ARHGAP31: variants seen among roughly 807,000 people sequenced by gnomAD.
The protein encoded by ARHGAP31 is rho GTPase-activating protein 31.
Under a neutral mutation model 113.9 loss-of-function variants are expected in ARHGAP31, and 34 were observed. The observed-to-expected ratio is 0.30, with a 90% CI of 0.23 to 0.40. The LOEUF (loss-of-function observed/expected upper bound fraction) is 0.40, where lower values mean the gene tolerates loss of function less well. ARHGAP31 is among the 10% of genes least tolerant of loss of function. The probability of loss-of-function intolerance (pLI) is 1.00; values close to 1 mark genes in which losing one functional copy is unlikely to be tolerated. For missense variants in ARHGAP31, 1,548 were observed against 1,767.1 expected, an observed-to-expected ratio of 0.88 and a Z score of 2.22; for synonymous variants, 650 against 684.8, an observed-to-expected ratio of 0.95 and a Z score of 0.79.
intron 1 of ARHGAP31, among the ~76,000 whole-genome samples, chr3:119,329,413 G>A (rs1375687971): frequency 6.6e-6 from 1 of 152,250 alleles, no homozygotes; most frequent in African/African-American, 2.4e-5. Flanking sequence ...GCCTTTGTGA[G>A]TGGGAGCAGC....
chr3:119,348,631 G>A (rs1577006315), intron 1 of ARHGAP31, among the ~76,000 whole-genome samples: 1 of 152,062 alleles, frequency 6.6e-6, no homozygotes, highest in Non-Finnish European at 1.5e-5. Context: ...ACATCCTCTC[G>A]TATACTTTAA....
chr3:119,337,774 C>T (rs1405241531), intron 1 of ARHGAP31, among the ~76,000 whole-genome samples: 2 of 152,056 alleles, frequency 1.3e-5, no homozygotes, highest in Non-Finnish European at 2.9e-5. Flanking sequence ...AGTGCCCTAC[C>T]GGATTAGCTA....
intron 1 of ARHGAP31, among the ~76,000 whole-genome samples, chr3:119,357,537 A>C (rs930809404): frequency 1.3e-5 from 2 of 152,198 alleles, no homozygotes; most frequent in Non-Finnish European, 2.9e-5. Flanking sequence ...TTAAAAGATA[A>C]AATATATTCC....
chr3:119,302,278 T>C (rs1197875868), intron 1 of ARHGAP31, among the ~76,000 whole-genome samples: 2 of 152,342 alleles, frequency 1.3e-5, no homozygotes, highest in East Asian at 3.9e-4. Flanking sequence ...TCTCTAGACT[T>C]TGCCGCAGTA....
rs774401532 is a variant in ARHGAP31 at position 119,414,704 on chromosome 3, C to T, written c.2775C>T (p.Asp925=). ...CCCTTCACTCTCCCACCCTGAAAGACGCGCACAAGGCCCAGGTACAGGGCC... is the reference window on the plus strand; with the variant it reads ...CCCTTCACTCTCCCACCCTGAAAGATGCGCACAAGGCCCAGGTACAGGGCC... ...TSPLHSPTLK[D]AHKAQVQGLQ... The change falls in exon 12 of 12, where the codon GAC becomes GAT. Residue 925 remains aspartate, a synonymous_variant. Coordinates refer to ENST00000264245, the MANE Select transcript of ARHGAP31 (RefSeq NM_020754.4). 17 of 1,614,096 alleles carry T rather than the reference C, an allele frequency of 1.1e-5. No homozygotes were observed. The highest frequency in any genetic ancestry group is 5.0e-5 in the Admixed American group (3 of 60,000).
In ARHGAP31 at chr3:119,414,508, G is replaced by A. The variant is rs2080753594; in HGVS notation, c.2579G>A (p.Gly860Asp). 1 of 1,614,226 alleles carries A rather than the reference G, an allele frequency of 6.2e-7. No individual in the cohort carries two copies. Among genetic ancestry groups the A allele is most frequent in the Admixed American group, 1.7e-5 (1 of 60,030 alleles). The stretch of plus-strand genomic sequence containing the variant: ...GCTGCTTCTGAGGGGAAAGGCTGTG[G>A]TTTTCCAAGCCCAACCAGGGAGGTT... ...KNAASEGKGCGFPSPTREVEI... is the reference protein window; with the variant it reads ...KNAASEGKGCDFPSPTREVEI... Residue 860 changes from glycine (G) to aspartate (D), a missense_variant, in exon 12 of 12, where the codon GGT (glycine) becomes GAT (aspartate). Coordinates refer to ENST00000264245, the MANE Select transcript of ARHGAP31 (RefSeq NM_020754.4).
intron 1 of ARHGAP31, among the ~76,000 whole-genome samples, chr3:119,350,819 A>G (rs2080104521): frequency 6.6e-6 from 1 of 152,196 alleles, no homozygotes; most frequent in African/African-American, 2.4e-5. Flanking sequence ...ATGAGAAACA[A>G]AAACAAAACA....
At chr3:119,375,672 C>T (rs925617669) in intron 3 of ARHGAP31, among the ~76,000 whole-genome samples, 2 of 152,130 alleles carry the variant, frequency 1.3e-5, no homozygotes, top group Admixed American at 6.6e-5. Flanking sequence ...TTGTTCAGAT[C>T]GGTCCAGCTA....
intron 6 of ARHGAP31, 59 bp downstream of exon 6, chr3:119,383,285 G>T (rs1293681212): frequency 6.2e-7 from 1 of 1,604,758 alleles, no homozygotes; most frequent in Non-Finnish European, 8.5e-7. Context: ...GCAACTAGTG[G>T]TGGGACTCAA....
chr3:119,402,360 A>G lies in ARHGAP31; in HGVS notation c.1608A>G (p.Pro536=). ...ATGGATCAGAGAGCGGAGGCTGGCC[A>G]GAAGAAGAGAAACCGCTGGGAGCTG... ...SFHGSESGGW[P]EEEKPLGAET... is the part of the protein sequence containing the mutation. The change falls in exon 10 of 12, where the codon CCA becomes CCG. Residue 536 remains proline (P), a synonymous_variant. Transcript: ENST00000264245. The G allele has an allele frequency of 6.2e-7, 1 of 1,613,598 alleles. No homozygotes were observed.
intron 1 of ARHGAP31, among the ~76,000 whole-genome samples, chr3:119,352,691 A>G (rs1390828157): frequency 6.6e-6 from 1 of 152,236 alleles, no homozygotes; most frequent in African/African-American, 2.4e-5. Context: ...CTGAAGGTCT[A>G]GTCCCAAAGC....
chr3:119,361,002 G>A (rs929695166), intron 1 of ARHGAP31, among the ~76,000 whole-genome samples: 1 of 152,128 alleles, frequency 6.6e-6, no homozygotes, highest in African/African-American at 2.4e-5. Flanking sequence ...GACAATAGAA[G>A]CTTTCTTTCT....
intron 8 of ARHGAP31, among the ~76,000 whole-genome samples, chr3:119,397,660 TG>T (rs1165702216): frequency 1.3e-5 from 2 of 152,230 alleles, no homozygotes; most frequent in Non-Finnish European, 2.9e-5. Flanking sequence ...AGCCTCAAGC[TG>T]GGAGACCAAG....
chr3:119,347,152 T>C (rs935824244), intron 1 of ARHGAP31, among the ~76,000 whole-genome samples: 1 of 152,240 alleles, frequency 6.6e-6, no homozygotes, highest in Admixed American at 6.5e-5. Context: ...TGTCACATCC[T>C]ACATGGTGTC....
intron 1 of ARHGAP31, among the ~76,000 whole-genome samples, chr3:119,362,634 G>A (rs1401883458): frequency 6.6e-6 from 1 of 152,086 alleles, no homozygotes; most frequent in Non-Finnish European, 1.5e-5. Context: ...TGGGCATGGT[G>A]GCAGGCACCT....
intron 1 of ARHGAP31, among the ~76,000 whole-genome samples, chr3:119,345,148 C>A (rs1473441770): frequency 6.6e-6 from 1 of 151,922 alleles, no homozygotes; most frequent in African/African-American, 2.4e-5. Flanking sequence ...CCATGCCCGG[C>A]TAATTTTTTT....
chr3:119,418,602 T>A lies in ARHGAP31; in HGVS notation c.*2338T>A, dbSNP rs191056250. ...TAACATTTATAAGATCTATTTTTATTTGGGGATAGACTGAGAAGCCACCAT... is the reference window on the plus strand; with the variant it reads ...TAACATTTATAAGATCTATTTTTATATGGGGATAGACTGAGAAGCCACCAT... On this transcript the variant is annotated 3_prime_UTR_variant, in exon 12 of 12. Coordinates refer to ENST00000264245, the MANE Select transcript of ARHGAP31 (RefSeq NM_020754.4). 1 of 152,348 alleles carries A rather than the reference T, an allele frequency of 6.6e-6. No individual in the cohort carries two copies. The highest frequency in any genetic ancestry group is 1.9e-4 in the East Asian group (1 of 5,188). The allele number at this position is 152,348 out of a possible 1,614,324, so 9.4% of individuals were successfully genotyped here.
At chr3:119,337,398 C>T (rs975824907) in intron 1 of ARHGAP31, among the ~76,000 whole-genome samples, 19 of 152,128 alleles carry the variant, frequency 1.2e-4, no homozygotes, top group African/African-American at 4.1e-4. Context: ...AGCTGCAGAC[C>T]TTTGTGGTGA....
intron 1 of ARHGAP31, among the ~76,000 whole-genome samples, chr3:119,306,587 T>A (rs980477920): frequency 2.6e-5 from 4 of 152,098 alleles, no homozygotes; most frequent in African/African-American, 9.7e-5. Flanking sequence ...GGTATTTGCA[T>A]AGGTTGTGTA....
Sources: allele counts gnomAD v4.1 joint callset (sites outside exome capture counted in the v4.1 genomes callset), GRCh38; gene constraint gnomAD v4.1.1; transcripts MANE v1.5; gene names NCBI Gene and HGNC (gene_info 2026-07-23, HGNC 2026-07-21).